UBXN2A: variants seen among roughly 807,000 people sequenced by gnomAD.
UBXN2A encodes UBX domain protein 2A, also known as UBX domain-containing protein 2A.
In UBXN2A, 28 loss-of-function variants were observed where a neutral mutation model predicts 28.4. The observed-to-expected ratio is 0.99, with a 90% CI of 0.73 to 1.35. The LOEUF is 1.35. UBXN2A is among the 40% of genes most tolerant of loss of function. The pLI is 0.00. For missense variants in UBXN2A, 253 were observed against 297.9 expected, an observed-to-expected ratio of 0.85 and a Z score of 1.11; for synonymous variants, 97 against 103.6, an observed-to-expected ratio of 0.94 and a Z score of 0.39.
chr2:23,971,552 G>A (rs1445480789), intron 3 of UBXN2A, 138 bp downstream of exon 3: 34 of 950,630 alleles, frequency 3.6e-5, no homozygotes, highest in Non-Finnish European at 3.5e-5. Context: ...GCAGTGGCTC[G>A]ATCTTAGCCC....
chr2:23,958,189 T>C (rs1706726529), intron 1 of UBXN2A, 112 bp from the exon 2 acceptor site: 1 of 633,104 alleles, frequency 1.6e-6, no homozygotes, highest in South Asian at 3.7e-5. Flanking sequence ...GCTTTGAGTT[T>C]GCTCACTTTT....
Position 23,934,868 on chromosome 2 carries a change from GTT to G in UBXN2A, c.-137-4671_-137-4670del, listed in dbSNP as rs375946345. Among the ~76,000 whole-genome samples, 1,138 of 152,260 alleles carry G rather than the reference GTT, an allele frequency of 7.5e-3. 9 individuals are homozygous for G. The highest frequency in any genetic ancestry group is 0.011 in the Non-Finnish European group (761 of 68,014). ...GTGGGCAGATCACCTGAGGTCAAGA[GTT>G]CAAGACCAGCCTGGCCAACGTGGTA... On this transcript the variant is annotated intron_variant, in intron 1 of 7. Coordinates refer to the UBXN2A transcript ENST00000404924.
intron 1 of UBXN2A, among the ~76,000 whole-genome samples, chr2:23,952,097 G>A (rs1706400557): frequency 6.6e-6 from 1 of 151,398 alleles, no homozygotes; most frequent in Admixed American, 6.6e-5. Context: ...CTCTCAAGTA[G>A]CTGGGACTAC....
chr2:23,955,970 T>A (rs763793796), intron 1 of UBXN2A, among the ~76,000 whole-genome samples: 5 of 152,336 alleles, frequency 3.3e-5, no homozygotes, highest in East Asian at 1.9e-4. Flanking sequence ...GTTCAAGTAA[T>A]TCTCATGCCT....
chr2:23,935,506 C>T (rs1705497682), upstream of UBXN2A, among the ~76,000 whole-genome samples: 2 of 152,140 alleles, frequency 1.3e-5, no homozygotes, highest in South Asian at 4.1e-4. Flanking sequence ...CATCACTAGT[C>T]ATCAGAGAAA....
chr2:23,981,303 CAAAAAAA>C (rs34236089), intron 4 of UBXN2A, among the ~76,000 whole-genome samples: 1 of 69,488 alleles, frequency 1.4e-5, no homozygotes, highest in South Asian at 4.6e-4. Context: ...CCTGTCTCTA[CAAAAAAA>C]AAAAAAAAAA....
At chr2:23,947,422 C>A (rs1706141863) in intron 1 of UBXN2A, among the ~76,000 whole-genome samples, 1 of 152,156 alleles carries the variant, frequency 6.6e-6, no homozygotes. Flanking sequence ...GAAGGCAGTT[C>A]TTTTCATCTG....
rs925272099 is a variant in UBXN2A at position 24,004,854 on chromosome 2, T to G, written c.*4987T>G. ...AAGTATTTTGAGAGCAATCTTTTGC[T>G]GACAGTTGAAGAACTGTTAATGAAA... On this transcript the variant is annotated 3_prime_UTR_variant, in exon 7 of 7. Coordinates refer to ENST00000309033, the MANE Select transcript of UBXN2A (RefSeq NM_181713.4). 4.6e-5 allele frequency: 7 copies of G among 152,246 alleles called. No homozygotes were observed. The highest frequency in any genetic ancestry group is 1.7e-4 in the African/African-American group (7 of 41,460). 9.4% of individuals were successfully genotyped at this position (152,246 alleles called of 1,614,324 possible).
At chr2:23,987,890 G>A (rs1025968389) in intron 6 of UBXN2A, among the ~76,000 whole-genome samples, 17 of 151,966 alleles carry the variant, frequency 1.1e-4, no homozygotes, top group Non-Finnish European at 1.5e-4. Context: ...TTAGGAGACC[G>A]AGGCAGGCAG....
intron 2 of UBXN2A, among the ~76,000 whole-genome samples, chr2:23,966,826 A>T (rs374991374): frequency 1.1e-4 from 15 of 138,258 alleles, no homozygotes; most frequent in African/African-American, 4.1e-4. Context: ...CCAGGCCTGG[A>T]GTACATTGAC....
chr2:23,958,466 C>CAATGAAGTAGTCA, intron 2 of UBXN2A, 111 bp downstream of exon 2: 2 of 994,402 alleles, frequency 2.0e-6, no homozygotes, highest in African/African-American at 1.7e-5. Context: ...TTATGTATGA[C>CAATGAAGTAGTCA]TACTTCATTG....
chr2:23,978,656 A>AT (rs1165390339), intron 4 of UBXN2A, among the ~76,000 whole-genome samples: 1 of 148,216 alleles, frequency 6.7e-6, no homozygotes, highest in East Asian at 2.0e-4. Flanking sequence ...AAAAAAAAAA[A>AT]TTTTGTTTTA....
chr2:23,976,062 T>A (rs1170290211), intron 3 of UBXN2A, among the ~76,000 whole-genome samples: 1 of 152,242 alleles, frequency 6.6e-6, no homozygotes, highest in East Asian at 1.9e-4. Context: ...CTTCGTATTA[T>A]ACATAATAAG....
chr2:23,953,381 C>T (rs1057071346), intron 1 of UBXN2A, among the ~76,000 whole-genome samples: 2 of 152,080 alleles, frequency 1.3e-5, no homozygotes, highest in Non-Finnish European at 2.9e-5. Flanking sequence ...TATATTCCAT[C>T]CACTCCCCAA....
chr2:23,931,529 T>G (rs1209325605), intron 1 of UBXN2A, among the ~76,000 whole-genome samples: 1 of 152,050 alleles, frequency 6.6e-6, no homozygotes, highest in African/African-American at 2.4e-5. Context: ...ACTAAAACGT[T>G]GGTTAAATAT....
At chr2:23,987,561 G>A (rs1013131553) in intron 6 of UBXN2A, among the ~76,000 whole-genome samples, 9 of 151,110 alleles carry the variant, frequency 6.0e-5, no homozygotes, top group East Asian at 2.0e-4. Context: ...AGCAGATTAC[G>A]AGGTCAGGAG....
chr2:23,986,226 C>T (rs1186219046), intron 6 of UBXN2A, among the ~76,000 whole-genome samples: 3 of 151,928 alleles, frequency 2.0e-5, no homozygotes, highest in Non-Finnish European at 4.4e-5. Flanking sequence ...AGGAGAATGG[C>T]GTGAACCCGG....
rs1461929402 is a variant in UBXN2A at position 24,003,468 on chromosome 2, C to G, written c.*3601C>G. ...TAACAACAGGGAAATATCTATGTAA[C>G]TAGATGACCTGACATAAAATCTATC... On this transcript the variant is annotated 3_prime_UTR_variant, in exon 7 of 7. Coordinates refer to ENST00000309033, the MANE Select transcript of UBXN2A (RefSeq NM_181713.4). 1 of 152,084 alleles carries G rather than the reference C, an allele frequency of 6.6e-6. No homozygotes were observed. The highest frequency in any genetic ancestry group is 1.5e-5 in the Non-Finnish European group (1 of 68,020). The allele number at this position is 152,084 out of a possible 1,614,324, so 9.4% of individuals were successfully genotyped here.
intron 2 of UBXN2A, chr2:23,968,836 C>T (rs530487234): frequency 6.6e-6 from 1 of 152,322 alleles, no homozygotes; most frequent in Non-Finnish European, 1.5e-5. Flanking sequence ...AAGAGAACAA[C>T]CAGAAACCAT....
Sources: allele counts gnomAD v4.1 joint callset (sites outside exome capture counted in the v4.1 genomes callset), GRCh38; gene constraint gnomAD v4.1.1; transcripts MANE v1.5; gene names NCBI Gene and HGNC (gene_info 2026-07-23, HGNC 2026-07-21).